The following FHIT variants were observed in gnomAD, a reference collection of about 807,000 sequenced individuals.
FHIT encodes the protein bis(5'-adenosyl)-triphosphatase.
Under a neutral mutation model 17.9 loss-of-function variants are expected in FHIT, and 19 were observed. That is an observed-to-expected ratio of 1.06 (90% confidence interval 0.74 to 1.56). FHIT has a LOEUF of 1.56. FHIT is among the 40% of genes most tolerant of loss of function. The pLI is 0.00. For synonymous variants in FHIT, 81 were observed against 69.7 expected (o/e 1.16, Z -0.81); for missense variants, 248 against 189.2 (o/e 1.31, Z -1.82).
At chr3:59,785,356 CTGGAGTGCAGTG>C (rs1702795656) in intron 8 of FHIT, among the ~76,000 whole-genome samples, 1 of 147,812 alleles carries the variant, frequency 6.8e-6, no homozygotes, top group South Asian at 2.1e-4. Context: ...GTCTCCCAGG[CTGGAGTGCAGTG>C]GCACGATCTT....
At chr3:59,773,490 T>C (rs1378768001) in intron 8 of FHIT, among the ~76,000 whole-genome samples, 1 of 152,158 alleles carries the variant, frequency 6.6e-6, no homozygotes, top group African/African-American at 2.4e-5. Flanking sequence ...ACTCACTTAA[T>C]CGAAAATGTT....
intron 7 of FHIT, among the ~76,000 whole-genome samples, chr3:59,933,525 A>G (rs1706075945): frequency 6.6e-6 from 1 of 152,156 alleles, no homozygotes; most frequent in African/African-American, 2.4e-5. Context: ...AAATTGTGCA[A>G]GCTCACCAAG....
At chr3:61,209,460 G>C (rs888554836) in intron 1 of FHIT, among the ~76,000 whole-genome samples, 6 of 152,202 alleles carry the variant, frequency 3.9e-5, no homozygotes, top group African/African-American at 1.4e-4. Flanking sequence ...ACACCAATCA[G>C]ACATAGATTT....
chr3:60,592,700 C>T (rs2038127634), intron 4 of FHIT, among the ~76,000 whole-genome samples: 2 of 152,092 alleles, frequency 1.3e-5, no homozygotes, highest in African/African-American at 2.4e-5. Flanking sequence ...TTATACAACC[C>T]CACCTAGAAA....
intron 4 of FHIT, among the ~76,000 whole-genome samples, chr3:60,781,380 G>A (rs754481097): frequency 5.3e-5 from 8 of 151,972 alleles, no homozygotes; most frequent in Non-Finnish European, 1.0e-4. Context: ...CACACAAATG[G>A]ACACTCATGA....
chr3:61,132,307 T>C (rs1215984310), intron 2 of FHIT, among the ~76,000 whole-genome samples: 1 of 152,230 alleles, frequency 6.6e-6, no homozygotes, highest in African/African-American at 2.4e-5. Context: ...CTGTTCTGTT[T>C]CAGTTCCCCA....
intron 3 of FHIT, among the ~76,000 whole-genome samples, chr3:60,986,006 G>A (rs568663847): frequency 1.2e-4 from 18 of 152,194 alleles, no homozygotes; most frequent in Admixed American, 2.6e-4. Flanking sequence ...TACTACTAAC[G>A]CTTACCTCCT....
intron 4 of FHIT, among the ~76,000 whole-genome samples, chr3:60,651,382 G>A (rs1251672997): frequency 6.6e-6 from 1 of 151,888 alleles, no homozygotes; most frequent in African/African-American, 2.4e-5. Flanking sequence ...TTTTACAGGT[G>A]GCAAAATTAA....
chr3:60,374,406 T>A (rs1206301681), intron 5 of FHIT, among the ~76,000 whole-genome samples: 1 of 152,006 alleles, frequency 6.6e-6, no homozygotes, highest in Non-Finnish European at 1.5e-5. Context: ...TGTAAGTTTT[T>A]ACTCAATTCT....
intron 5 of FHIT, among the ~76,000 whole-genome samples, chr3:60,200,423 C>A (rs978314812): frequency 6.6e-6 from 1 of 152,140 alleles, no homozygotes; most frequent in Non-Finnish European, 1.5e-5. Flanking sequence ...TCACAATCTA[C>A]TTTTGACCTC....
intron 4 of FHIT, among the ~76,000 whole-genome samples, chr3:60,819,180 C>T (rs782318871): frequency 2.0e-5 from 3 of 151,966 alleles, no homozygotes; most frequent in African/African-American, 4.8e-5. Flanking sequence ...CATTTCCTAA[C>T]ACCTCTCCTC....
intron 4 of FHIT, among the ~76,000 whole-genome samples, chr3:60,609,455 AG>A (rs2038715500): frequency 6.6e-6 from 1 of 151,932 alleles, no homozygotes; most frequent in African/African-American, 2.4e-5. Flanking sequence ...CCTCCTGAGT[AG>A]CTGGGATTAC....
At chr3:61,114,258 G>C (rs999921374) in intron 2 of FHIT, among the ~76,000 whole-genome samples, 6 of 152,186 alleles carry the variant, frequency 3.9e-5, no homozygotes, top group African/African-American at 1.4e-4. Context: ...CTAGCAACTA[G>C]TGTTTTCTTA....
At chr3:60,204,428 C>A (rs967802372) in intron 5 of FHIT, among the ~76,000 whole-genome samples, 3 of 143,108 alleles carry the variant, frequency 2.1e-5, no homozygotes, top group Non-Finnish European at 4.5e-5. Flanking sequence ...CATCACCATG[C>A]CCAGCTAATA....
chr3:60,071,325 G>C (rs1366982169), intron 5 of FHIT, among the ~76,000 whole-genome samples: 1 of 152,060 alleles, frequency 6.6e-6, no homozygotes, highest in South Asian at 2.1e-4. Flanking sequence ...TAGATATATC[G>C]AGTTTTAACA....
intron 5 of FHIT, among the ~76,000 whole-genome samples, chr3:60,230,402 G>A (rs943615451): frequency 6.6e-6 from 1 of 152,120 alleles, no homozygotes; most frequent in Admixed American, 6.5e-5. Context: ...GTTGTAAGAT[G>A]ACATTATAAT....
At chr3:60,855,904 C>T (rs1350824769) in intron 3 of FHIT, among the ~76,000 whole-genome samples, 1 of 152,008 alleles carries the variant, frequency 6.6e-6, no homozygotes, top group Non-Finnish European at 1.5e-5. Context: ...TAACAACAAG[C>T]AAGAAAAGCA....
intron 5 of FHIT, among the ~76,000 whole-genome samples, chr3:60,067,061 T>C (rs977031605): frequency 6.6e-6 from 1 of 152,108 alleles, no homozygotes; most frequent in Non-Finnish European, 1.5e-5. Context: ...AGAAAATAGA[T>C]GCACCTGTCC....
intron 2 of FHIT, among the ~76,000 whole-genome samples, chr3:61,067,589 C>T (rs1244630291): frequency 6.6e-6 from 1 of 152,102 alleles, no homozygotes; most frequent in Non-Finnish European, 1.5e-5. Flanking sequence ...GTCTCCAGTC[C>T]CCCCAGAGGT....
Sources: gnomAD v4.1 joint callset for allele counts (sites outside exome capture counted in the v4.1 genomes callset) on GRCh38, gnomAD v4.1.1 for gene constraint, MANE v1.5 for transcripts, NCBI Gene and HGNC (gene_info 2026-07-23, HGNC 2026-07-21) for gene names.